Variants in SUPT3H observed in about 807,000 individuals in gnomAD.
SUPT3H encodes SPT3 homolog, SAGA and STAGA complex component.
Under a neutral mutation model 44.3 loss-of-function variants are expected in SUPT3H, and 44 were observed. The ratio of observed to expected loss-of-function variants is 0.99; its 90% CI spans 0.78 to 1.28. The LOEUF is 1.28. SUPT3H is among the 50% of genes most tolerant of loss of function. The pLI is 0.00. For synonymous variants in SUPT3H, 124 were observed against 125.6 expected (o/e 0.99, Z 0.09); for missense variants, 380 against 387.1 (o/e 0.98, Z 0.15).
At chr6:45,368,364 A>G (rs912891024) in intron 1 of SUPT3H, among the ~76,000 whole-genome samples, 4 of 152,176 alleles carry the variant, frequency 2.6e-5, no homozygotes, top group Non-Finnish European at 4.4e-5. Flanking sequence ...GAGAAGAAAA[A>G]TTGGCATTTA....
intron 4 of SUPT3H, among the ~76,000 whole-genome samples, chr6:45,015,496 T>C (rs1407142006): frequency 6.6e-6 from 1 of 152,120 alleles, no homozygotes; most frequent in African/African-American, 2.4e-5. Flanking sequence ...CATTACTGCA[T>C]GCTATTGCAG....
At chr6:45,162,225 AAAGAAG>A (rs139564646) in intron 2 of SUPT3H, among the ~76,000 whole-genome samples, 3 of 151,964 alleles carry the variant, frequency 2.0e-5, no homozygotes, top group Admixed American at 6.6e-5. Context: ...CTCATTAAAA[AAAGAAG>A]AAGAAGAAGA....
At chr6:44,990,609 G>A (rs959048332) in intron 6 of SUPT3H, among the ~76,000 whole-genome samples, 5 of 152,074 alleles carry the variant, frequency 3.3e-5, no homozygotes, top group Non-Finnish European at 7.4e-5. Flanking sequence ...TTGGATCATG[G>A]GGGCAAGCCC....
intron 2 of SUPT3H, among the ~76,000 whole-genome samples, chr6:45,178,749 G>C (rs9395074): frequency 0.33 from 50,404 of 151,962 alleles, 9,376 homozygotes; most frequent in East Asian, 0.57. Context: ...CTAGAACTCA[G>C]GATTAAGAAT....
chr6:45,048,289 T>A (rs1206979351), intron 3 of SUPT3H, among the ~76,000 whole-genome samples: 1 of 151,232 alleles, frequency 6.6e-6, no homozygotes, highest in African/African-American at 2.4e-5. Context: ...TCATCTATTT[T>A]CACTTCTGTT....
At chr6:44,838,929 G>A (rs540740361) in intron 10 of SUPT3H, among the ~76,000 whole-genome samples, 110 of 152,240 alleles carry the variant, frequency 7.2e-4, no homozygotes, top group African/African-American at 2.6e-3. Flanking sequence ...ACAGAGTTGT[G>A]TTAAATTTGC....
intron 10 of SUPT3H, among the ~76,000 whole-genome samples, chr6:44,842,968 T>C (rs71566503): frequency 0.022 from 3,365 of 152,144 alleles, 80 homozygotes; most frequent in Non-Finnish European, 0.037. Context: ...AAGGGAATTA[T>C]CACCTGGGCA....
chr6:44,903,261 C>A (rs896306560), intron 10 of SUPT3H, among the ~76,000 whole-genome samples: 1 of 151,878 alleles, frequency 6.6e-6, no homozygotes, highest in Non-Finnish European at 1.5e-5. Flanking sequence ...TTGAAAAGAA[C>A]AACAAAATTG....
chr6:45,262,586 G>T (rs1333981108), intron 2 of SUPT3H, among the ~76,000 whole-genome samples: 1 of 151,976 alleles, frequency 6.6e-6, no homozygotes, highest in Non-Finnish European at 1.5e-5. Flanking sequence ...TACCTATCTG[G>T]ACATCAACCT....
chr6:45,086,446 C>T (rs1351503630), intron 3 of SUPT3H, among the ~76,000 whole-genome samples: 1 of 151,990 alleles, frequency 6.6e-6, no homozygotes, highest in Non-Finnish European at 1.5e-5. Flanking sequence ...CTCAATCATG[C>T]TCCATTCCTG....
downstream of SUPT3H, among the ~76,000 whole-genome samples, chr6:44,824,007 T>G (rs1462948913): frequency 2.6e-5 from 4 of 152,162 alleles, no homozygotes; most frequent in Admixed American, 6.5e-5. Context: ...GGCTGTGGTT[T>G]AGAGTTGGCT....
chr6:45,274,551 C>T (rs947522081), intron 2 of SUPT3H, among the ~76,000 whole-genome samples: 41 of 152,134 alleles, frequency 2.7e-4, no homozygotes, highest in African/African-American at 9.4e-4. Context: ...AATAGCTATT[C>T]TTTCCCTTTT....
intron 2 of SUPT3H, among the ~76,000 whole-genome samples, chr6:45,286,802 T>C (rs993953099): frequency 6.6e-6 from 1 of 152,218 alleles, no homozygotes; most frequent in African/African-American, 2.4e-5. Flanking sequence ...CGTATGTTTA[T>C]TGCAGCACTA....
intron 10 of SUPT3H, among the ~76,000 whole-genome samples, chr6:44,842,590 C>A (rs1771132585): frequency 6.6e-6 from 1 of 151,794 alleles, no homozygotes; most frequent in South Asian, 2.1e-4. Context: ...CATTTAAAGG[C>A]TTTTCATGCT....
At chr6:45,198,873 T>G (rs943724520) in intron 2 of SUPT3H, among the ~76,000 whole-genome samples, 1 of 151,326 alleles carries the variant, frequency 6.6e-6, no homozygotes, top group African/African-American at 2.4e-5. Flanking sequence ...ATTTTAAGCT[T>G]TGAATAATAT....
At chr6:45,341,794 G>A (rs548570755) in intron 2 of SUPT3H, among the ~76,000 whole-genome samples, 1 of 152,264 alleles carries the variant, frequency 6.6e-6, no homozygotes, top group African/African-American at 2.4e-5. Context: ...AGAAAAAGAT[G>A]TGGTTACAAA....
intron 9 of SUPT3H, among the ~76,000 whole-genome samples, chr6:44,937,029 T>TCA (rs1012266965): frequency 6.6e-6 from 1 of 152,156 alleles, no homozygotes; most frequent in African/African-American, 2.4e-5. Context: ...CTTTACCTAT[T>TCA]CATCTGTTGA....
chr6:45,256,515 G>C (rs1773436475), intron 2 of SUPT3H, among the ~76,000 whole-genome samples: 1 of 151,978 alleles, frequency 6.6e-6, no homozygotes, highest in Admixed American at 6.6e-5. Flanking sequence ...TACCACAACA[G>C]GAATGAGATT....
chr6:45,345,630 C>T (rs765623668), intron 2 of SUPT3H, among the ~76,000 whole-genome samples: 6 of 152,178 alleles, frequency 3.9e-5, no homozygotes, highest in Non-Finnish European at 8.8e-5. Context: ...ATATCACTTA[C>T]ACTTGCTTGC....
Sources: allele counts gnomAD v4.1 joint callset (sites outside exome capture counted in the v4.1 genomes callset), GRCh38; gene constraint gnomAD v4.1.1; transcripts MANE v1.5; gene names NCBI Gene and HGNC (gene_info 2026-07-23, HGNC 2026-07-21).